The following CNTNAP2 variants were observed in gnomAD, a reference collection of about 807,000 sequenced individuals.
CNTNAP2 encodes contactin associated protein 2.
A neutral mutation model predicts 155.2 loss-of-function variants in CNTNAP2; 98 were observed. The ratio of observed to expected loss-of-function variants is 0.63; its 90% CI spans 0.54 to 0.75. The LOEUF (loss-of-function observed/expected upper bound fraction) is 0.75. Among genes scored for constraint, CNTNAP2 ranks in the 30% least tolerant of loss-of-function variants. The pLI, the probability that CNTNAP2 is intolerant of heterozygous loss-of-function variation, is 0.00. For missense variants in CNTNAP2, 1,727 were observed against 1,688.1 expected (o/e 1.02, Z -0.40); for synonymous variants, 651 against 631.2 (o/e 1.03, Z -0.47).
At chr7:148,107,668 T>G (rs1486020108) in intron 15 of CNTNAP2, among the ~76,000 whole-genome samples, 2 of 152,146 alleles carry the variant, frequency 1.3e-5, no homozygotes, top group Non-Finnish European at 2.9e-5. Context: ...AGACTCAAAT[T>G]TGCATGCAAA....
intron 8 of CNTNAP2, among the ~76,000 whole-genome samples, chr7:147,288,893 C>T (rs1020104076): frequency 1.7e-4 from 26 of 152,100 alleles, no homozygotes; most frequent in African/African-American, 7.2e-5. Flanking sequence ...TTTCTAAAAC[C>T]TCCAAAGTGC....
chr7:147,216,388 T>C (rs1041633926), intron 8 of CNTNAP2, among the ~76,000 whole-genome samples: 2 of 152,092 alleles, frequency 1.3e-5, no homozygotes, highest in African/African-American at 4.8e-5. Context: ...AGAGGTTCAC[T>C]ATTTTCTGTG....
chr7:146,852,842 T>G (rs1794905702), intron 3 of CNTNAP2, among the ~76,000 whole-genome samples: 1 of 152,200 alleles, frequency 6.6e-6, no homozygotes, highest in African/African-American at 2.4e-5. Context: ...ACTTCAGATA[T>G]GAAAACTGAG....
rs184341495 is a variant in CNTNAP2, at chr7:146,949,932, G to A, written c.403-93975G>A. Among the ~76,000 whole-genome samples, 19 of 152,160 alleles carry A rather than the reference G, an allele frequency of 1.2e-4. No homozygotes were observed. The East Asian group carries it at 3.5e-3, about 28-fold the overall frequency. The stretch of plus-strand genomic sequence containing the variant: ...AATTGATTCTTGCTAATCACTTGAG[G>A]AAAACAATGACATAATAATACTATG... On this transcript the variant is annotated intron_variant, in intron 3 of 23. Coordinates refer to ENST00000361727, the MANE Select transcript of CNTNAP2 (RefSeq NM_014141.6).
chr7:148,270,180 C>T lies in CNTNAP2; in HGVS notation c.3475+3054C>T, dbSNP rs73462244. On this transcript the variant is annotated intron_variant, in intron 21 of 23. Transcript: ENST00000361727. ...GACCTTCAAGGTCGTGAACAAATAACATCATAAAGGCCACATTTTCTACAA... is the reference window on the plus strand; with the variant it reads ...GACCTTCAAGGTCGTGAACAAATAATATCATAAAGGCCACATTTTCTACAA... 2.4e-3 allele frequency among the ~76,000 whole-genome samples: 366 copies of T among 152,288 alleles called. 1 individual carries two copies. The highest frequency in any genetic ancestry group is 8.6e-3 in the African/African-American group (357 of 41,568).
At chr7:147,366,243 A>T (rs1796227679) in intron 9 of CNTNAP2, among the ~76,000 whole-genome samples, 1 of 152,114 alleles carries the variant, frequency 6.6e-6, no homozygotes, top group African/African-American at 2.4e-5. Context: ...TAGCTTTTTA[A>T]TCTGGAATGA....
chr7:146,247,333 C>G (rs904580009), intron 1 of CNTNAP2, among the ~76,000 whole-genome samples: 2 of 151,894 alleles, frequency 1.3e-5, no homozygotes, highest in Non-Finnish European at 2.9e-5. Flanking sequence ...AGAGGTGGAA[C>G]GAAACTGTAA....
chr7:147,586,523 G>GAAGAGGGAGGAAGGAAGGGAGGAAGGA (rs772731379), intron 12 of CNTNAP2, among the ~76,000 whole-genome samples: 2 of 42,036 alleles, frequency 4.8e-5, no homozygotes, highest in African/African-American at 2.9e-4. Flanking sequence ...AGAGAGAGAA[G>GAAGAGGGAGGAAGGAAGGGAGGAAGGA]AGGAAGGAAG....
intron 8 of CNTNAP2, among the ~76,000 whole-genome samples, chr7:147,185,045 A>C (rs1298830506): frequency 6.6e-6 from 1 of 152,168 alleles, no homozygotes; most frequent in East Asian, 1.9e-4. Flanking sequence ...AATACCCTGT[A>C]AACCAGGAGG....
intron 21 of CNTNAP2, among the ~76,000 whole-genome samples, chr7:148,374,162 G>A (rs1000920661): frequency 1.3e-5 from 2 of 151,886 alleles, no homozygotes; most frequent in Admixed American, 1.3e-4. Flanking sequence ...ATTTCGTGAT[G>A]TTTATGCATT....
intron 13 of CNTNAP2, among the ~76,000 whole-genome samples, chr7:147,787,730 C>CT (rs1268108436): frequency 6.6e-6 from 1 of 152,194 alleles, no homozygotes; most frequent in East Asian, 1.9e-4. Flanking sequence ...ATTAGTAAGA[C>CT]TTTTTTCATT....
chr7:147,084,087 A>T (rs1259411368), intron 4 of CNTNAP2, among the ~76,000 whole-genome samples: 1 of 68,784 alleles, frequency 1.5e-5, no homozygotes, highest in East Asian at 5.0e-4. Flanking sequence ...ATAATGCTAT[A>T]TATGTATATA....
intron 12 of CNTNAP2, among the ~76,000 whole-genome samples, chr7:147,601,384 G>A (rs1011766128): frequency 4.0e-5 from 6 of 151,826 alleles, no homozygotes; most frequent in Admixed American, 6.6e-5. Context: ...GTTCTCTGGC[G>A]GGCAGGGGTG....
chr7:146,836,678 A>G (rs890559735), intron 2 of CNTNAP2, among the ~76,000 whole-genome samples: 1 of 152,138 alleles, frequency 6.6e-6, no homozygotes, highest in Non-Finnish European at 1.5e-5. Context: ...AACATGAACA[A>G]ATATTTTATA....
intron 20 of CNTNAP2, among the ~76,000 whole-genome samples, chr7:148,265,125 G>A (rs572012999): frequency 1.4e-4 from 22 of 152,358 alleles, no homozygotes; most frequent in Non-Finnish European, 2.9e-4. Flanking sequence ...GTAAACAGAA[G>A]TGCGGTGGCA....
At chr7:147,146,760 T>A (rs1259151339) in intron 8 of CNTNAP2, 5 of 152,210 alleles carry the variant, frequency 3.3e-5, no homozygotes, top group Non-Finnish European at 7.3e-5. Context: ...TCGGAAACAA[T>A]TAAAATGTAT....
Position 146,346,215 on chromosome 7 carries a change from T to G in CNTNAP2, c.97+229242T>G, listed in dbSNP as rs1584880712. On this transcript the variant is annotated intron_variant, in intron 1 of 23. Transcript: ENST00000361727. The stretch of plus-strand genomic sequence containing the variant: ...AGGAACCAGGCTGCACAGCAGGAGG[T>G]GAGCAGCGGTGAGCCAGGAAAGCTT... Among the ~76,000 whole-genome samples the G allele has an allele frequency of 1.3e-5, 2 of 151,852 alleles. 1 individual carries two copies. The highest frequency in any genetic ancestry group is 2.9e-5 in the Non-Finnish European group (2 of 67,970).
chr7:146,883,780 A>T (rs1229897133), intron 3 of CNTNAP2, among the ~76,000 whole-genome samples: 1 of 152,160 alleles, frequency 6.6e-6, no homozygotes, highest in Non-Finnish European at 1.5e-5. Context: ...AGTATAAAAA[A>T]TTAGTTTCTC....
At chr7:147,284,028 T>C (rs1273421633) in intron 8 of CNTNAP2, among the ~76,000 whole-genome samples, 1 of 151,794 alleles carries the variant, frequency 6.6e-6, no homozygotes, top group Non-Finnish European at 1.5e-5. Context: ...GTGAAATCTC[T>C]TTCATCTCTG....
Sources: allele counts gnomAD v4.1 joint callset (sites outside exome capture counted in the v4.1 genomes callset), GRCh38; gene constraint gnomAD v4.1.1; transcripts MANE v1.5; gene names NCBI Gene and HGNC (gene_info 2026-07-23, HGNC 2026-07-21).